The following ADCY8 variants were observed in gnomAD, a reference collection of about 807,000 sequenced individuals.
The protein encoded by ADCY8 is adenylate cyclase type 8.
A neutral mutation model predicts 119.7 loss-of-function variants in ADCY8; 51 were observed. That is an observed-to-expected ratio of 0.43 (90% CI 0.34 to 0.54). ADCY8 has a LOEUF of 0.54. Among genes scored for constraint, ADCY8 ranks in the 20% least tolerant of loss-of-function variants. The probability of loss-of-function intolerance (pLI) is 0.03; values close to 1 mark genes in which losing one functional copy is unlikely to be tolerated. For missense variants in ADCY8, 1,383 were observed against 1,598.8 expected (o/e 0.87, Z 2.30); for synonymous variants, 665 against 651.0 (o/e 1.02, Z -0.33).
chr8:130,882,142 C>T (rs2376919), intron 8 of ADCY8, among the ~76,000 whole-genome samples: 3,413 of 96,858 alleles, frequency 0.035, 73 homozygotes, highest in South Asian at 0.12. Context: ...TTTTTCCTTT[C>T]TGAGAGCTGC....
rs1815865443 is a variant in ADCY8 at position 130,804,007 on chromosome 8, T to C, written c.2914-3435A>G. ...AGCAAAGGTAAATGGCTTTCAAAGG[T>C]GGATTTCTGTTTTCCTTGGCTTTGA... is the stretch of plus-strand genomic sequence containing the variant. On this transcript the variant is annotated intron_variant, in intron 14 of 17. Transcript: ENST00000286355. 2.0e-5 allele frequency among the ~76,000 whole-genome samples: 3 copies of C among 152,042 alleles called. 1 individual carries two copies. The South Asian group carries it at 6.2e-4, about 32-fold the overall frequency.
In ADCY8 at chr8:130,780,863, A is replaced by G. The variant is rs1815056233; in HGVS notation, c.3283T>C (p.Ser1095Pro). 1 of 1,613,328 alleles carries G rather than the reference A, an allele frequency of 6.2e-7. No individual in the cohort carries two copies. The highest frequency in any genetic ancestry group is 8.5e-7 in the Non-Finnish European group (1 of 1,179,484). Residue 1095 changes from serine (S) to proline (P), a missense_variant, in exon 18 of 18, where the codon TCA becomes CCA. By Grantham distance (74) the Ser-to-Pro change is moderately conservative (BLOSUM62 -1). Coordinates refer to ENST00000286355, the MANE Select transcript of ADCY8 (RefSeq NM_001115.3). ...GCGCCGATAACGCCAGCTACCACTGAGCCGTGGCTGATGCCTGGGGGGTGA... is the reference window on the plus strand; with the variant it reads ...GCGCCGATAACGCCAGCTACCACTGGGCCGTGGCTGATGCCTGGGGGGTGA... ...FELRIGISHGSVVAGVIGAKK... is the reference protein window; with the variant it reads ...FELRIGISHGPVVAGVIGAKK...
At position 130,886,992 on chromosome 8, in the gene ADCY8, T is replaced by TC. The variant is rs397726394; in HGVS notation, c.1912-2232dup. Among the ~76,000 whole-genome samples the TC allele has an allele frequency of 5.1e-4, 77 of 152,010 alleles. 1 individual carries two copies. Among genetic ancestry groups the TC allele is most frequent in the African/African-American group, 1.8e-3 (76 of 41,478 alleles). On this transcript the variant is annotated intron_variant, in intron 7 of 17. Coordinates refer to ENST00000286355, the MANE Select transcript of ADCY8 (RefSeq NM_001115.3). ...AATAGAAGAAAGGGCGTTTTTTTTTTCCTTAACAGGAATGATGTAGTCTCA... is the reference window on the plus strand; with the variant it reads ...AATAGAAGAAAGGGCGTTTTTTTTTTCCCTTAACAGGAATGATGTAGTCTCA...
intron 8 of ADCY8, among the ~76,000 whole-genome samples, chr8:130,875,026 C>A (rs1206969234): frequency 6.6e-6 from 1 of 152,154 alleles, no homozygotes. Flanking sequence ...CTATATTACA[C>A]TGTTATAGGT....
intron 4 of ADCY8, among the ~76,000 whole-genome samples, chr8:130,937,977 C>G (rs1322131197): frequency 6.6e-6 from 1 of 151,954 alleles, no homozygotes; most frequent in East Asian, 1.9e-4. Flanking sequence ...ACAACTCTTA[C>G]AAAATTTCAA....
rs1218116746 is a variant in ADCY8, at chr8:130,999,061, T to C, written c.961-8519A>G. On this transcript the variant is annotated intron_variant, in intron 1 of 17. Transcript: ENST00000286355. ...TAACCCTGAACTTTGATATCCTTTT[T>C]ATATGTCCATCAACCTTACTCAATC... is the stretch of plus-strand genomic sequence containing the variant. Among the ~76,000 whole-genome samples, 4 of 152,136 alleles carry C rather than the reference T, an allele frequency of 2.6e-5. No individual in the cohort carries two copies. The South Asian group carries it at 6.2e-4, about 24-fold the overall frequency.
At chr8:130,990,067 G>A (rs1822526904) in intron 2 of ADCY8, among the ~76,000 whole-genome samples, 1 of 152,208 alleles carries the variant, frequency 6.6e-6, no homozygotes, top group South Asian at 2.1e-4. Flanking sequence ...TTAAAAGAAA[G>A]AGGGTCAAAG....
At chr8:130,822,559 C>A (rs187953223) in intron 12 of ADCY8, among the ~76,000 whole-genome samples, 9 of 150,810 alleles carry the variant, frequency 6.0e-5, no homozygotes, top group African/African-American at 1.5e-4. Flanking sequence ...TCCATCCATC[C>A]ATCCATCCAT....
chr8:130,950,318 G>A (rs1048249164), intron 3 of ADCY8, among the ~76,000 whole-genome samples: 24 of 152,232 alleles, frequency 1.6e-4, no homozygotes, highest in African/African-American at 5.8e-4. Flanking sequence ...AGACCCATCT[G>A]CTCCAGGCTT....
intron 2 of ADCY8, among the ~76,000 whole-genome samples, chr8:130,979,593 C>T (rs1822177838): frequency 6.6e-6 from 1 of 152,250 alleles, no homozygotes; most frequent in South Asian, 2.1e-4. Flanking sequence ...GACATCGTAG[C>T]ATAATAATTG....
rs373982273 is a variant in ADCY8 at position 131,008,516 on chromosome 8, T to C, written c.961-17974A>G. On this transcript the variant is annotated intron_variant, in intron 1 of 17. Transcript: ENST00000286355. ...ATAATTGTAAGTTTCCTGAGGCCTC[T>C]CCAGCCAGCCATGTGGAACTGTGAG... is the stretch of plus-strand genomic sequence containing the variant. Among the ~76,000 whole-genome samples the C allele has an allele frequency of 6.4e-4, 97 of 152,286 alleles. 1 individual carries two copies. Among genetic ancestry groups the C allele is most frequent in the African/African-American group, 2.2e-3 (91 of 41,574 alleles).
Position 131,020,838 on chromosome 8 carries a change from T to A in ADCY8, c.960+18536A>T, listed in dbSNP as rs546834534. Among the ~76,000 whole-genome samples, 61 of 152,280 alleles carry A rather than the reference T, an allele frequency of 4.0e-4. No individual in the cohort carries two copies. The South Asian group carries it at 0.013, about 32-fold the overall frequency. ...TACAAGTAGGAAGGTATCAGTTTCT[T>A]CCCTTGGGAAATAGTCCCACTAGTC... On this transcript the variant is annotated intron_variant, in intron 1 of 17. Transcript: ENST00000286355.
intron 2 of ADCY8, 44 bp from the exon 3 acceptor site, chr8:130,952,042 A>T: frequency 6.2e-7 from 1 of 1,607,312 alleles, no homozygotes; most frequent in Non-Finnish European, 8.5e-7. Flanking sequence ...CTGACCAGCG[A>T]GTCTCAGATG....
chr8:130,805,415 C>A (rs1815915857), intron 14 of ADCY8, among the ~76,000 whole-genome samples: 2 of 152,180 alleles, frequency 1.3e-5, no homozygotes, highest in African/African-American at 4.8e-5. Flanking sequence ...GACATGGAAA[C>A]TGAAAACTGG....
chr8:130,808,708 G>C (rs1816062408), intron 14 of ADCY8, among the ~76,000 whole-genome samples: 1 of 152,158 alleles, frequency 6.6e-6, no homozygotes, highest in African/African-American at 2.4e-5. Context: ...GTTGTTATCC[G>C]ATTTAGCTCT....
At chr8:130,848,448 A>G (rs1478936704) in intron 10 of ADCY8, among the ~76,000 whole-genome samples, 1 of 152,220 alleles carries the variant, frequency 6.6e-6, no homozygotes, top group Non-Finnish European at 1.5e-5. Context: ...GAACTAAATT[A>G]GATGATAATT....
At chr8:130,802,446 A>C (rs1815810971) in intron 14 of ADCY8, among the ~76,000 whole-genome samples, 1 of 152,194 alleles carries the variant, frequency 6.6e-6, no homozygotes, top group African/African-American at 2.4e-5. Flanking sequence ...ATTCAAAGGC[A>C]TCCTTCACAC....
chr8:130,781,179 A>T (rs1435951383), intron 17 of ADCY8, among the ~76,000 whole-genome samples: 1 of 152,230 alleles, frequency 6.6e-6, no homozygotes, highest in Non-Finnish European at 1.5e-5. Flanking sequence ...GAATATAATT[A>T]TTATTGTCAT....
intron 5 of ADCY8, among the ~76,000 whole-genome samples, chr8:130,921,760 A>G (rs969834597): frequency 6.6e-6 from 1 of 151,794 alleles, no homozygotes; most frequent in African/African-American, 2.4e-5. Flanking sequence ...GTCGTTACCC[A>G]TTTTTCTATT....
Sources: allele counts gnomAD v4.1 joint callset (sites outside exome capture counted in the v4.1 genomes callset), GRCh38; gene constraint gnomAD v4.1.1; transcripts MANE v1.5; gene names NCBI Gene and HGNC (gene_info 2026-07-23, HGNC 2026-07-21).